The following CACNB2 variants were observed in gnomAD, a reference collection of about 807,000 sequenced individuals.
CACNB2 encodes the protein calcium voltage-gated channel auxiliary subunit beta 2.
A neutral mutation model predicts 73.3 loss-of-function variants in CACNB2; 42 were observed. The observed-to-expected ratio is 0.57, with a 90% CI of 0.45 to 0.74. The LOEUF (loss-of-function observed/expected upper bound fraction) is 0.74, where lower values mean the gene tolerates loss of function less well. CACNB2 is among the 30% of genes least tolerant of loss of function. CACNB2 has a pLI of 0.00. For synonymous variants in CACNB2, 348 were observed against 310.3 expected (o/e 1.12, Z -1.28); for missense variants, 940 against 853.0 (o/e 1.10, Z -1.27).
At chr10:18,450,451 G>A (rs985683505) in intron 3 of CACNB2, among the ~76,000 whole-genome samples, 3 of 152,076 alleles carry the variant, frequency 2.0e-5, no homozygotes, top group African/African-American at 7.2e-5. Flanking sequence ...GAAACAGTGT[G>A]ATGGGGGAGC....
At chr10:18,235,202 C>T (rs2131470699) in intron 2 of CACNB2, among the ~76,000 whole-genome samples, 1 of 151,562 alleles carries the variant, frequency 6.6e-6, no homozygotes, top group South Asian at 2.1e-4. Context: ...CCTGTAATCC[C>T]AGCACTTTGG....
At chr10:18,172,042 A>C (rs967972175) in intron 2 of CACNB2, among the ~76,000 whole-genome samples, 4 of 152,176 alleles carry the variant, frequency 2.6e-5, no homozygotes, top group Non-Finnish European at 5.9e-5. Context: ...GTGCGGGATT[A>C]CAAAACCAGG....
chr10:18,151,688 C>T (rs939682899), intron 2 of CACNB2, among the ~76,000 whole-genome samples: 6 of 152,286 alleles, frequency 3.9e-5, no homozygotes, highest in South Asian at 2.1e-4. Flanking sequence ...AATGAAGTCT[C>T]ATCAGGAATG....
chr10:18,337,214 C>T (rs543072204), intron 2 of CACNB2, among the ~76,000 whole-genome samples: 6 of 152,270 alleles, frequency 3.9e-5, no homozygotes, highest in East Asian at 3.9e-4. Flanking sequence ...ACTGCCCCCT[C>T]GACTTCCTGG....
intron 2 of CACNB2, among the ~76,000 whole-genome samples, chr10:18,364,669 A>G (rs2132244372): frequency 6.6e-6 from 1 of 151,602 alleles, no homozygotes; most frequent in South Asian, 2.1e-4. Context: ...CTCTTCTTTC[A>G]TCTCCTGCCT....
chr10:18,385,383 C>G (rs1381066634), intron 2 of CACNB2, among the ~76,000 whole-genome samples: 2 of 137,720 alleles, frequency 1.5e-5, no homozygotes, highest in African/African-American at 5.4e-5. Context: ...CCTCGCCCCC[C>G]ACAGGTTTTA....
chr10:18,526,790 T>G (rs17693687), intron 9 of CACNB2, among the ~76,000 whole-genome samples: 19,700 of 152,200 alleles, frequency 0.13, 1,560 homozygotes, highest in Middle Eastern at 0.24. Context: ...ACTAGACCAT[T>G]AGCTATCTGA....
chr10:18,503,678 T>G (rs563238032), intron 5 of CACNB2, among the ~76,000 whole-genome samples: 13 of 152,294 alleles, frequency 8.5e-5, no homozygotes, highest in African/African-American at 2.6e-4. Context: ...TAGTATATCG[T>G]TTGTTGAGGT....
chr10:18,375,425 T>C (rs1286906158), intron 2 of CACNB2, among the ~76,000 whole-genome samples: 3 of 152,206 alleles, frequency 2.0e-5, no homozygotes, highest in Non-Finnish European at 4.4e-5. Flanking sequence ...TAGTATTTAC[T>C]CTTTGGATTG....
chr10:18,496,272 TC>T (rs1589544708), intron 3 of CACNB2, among the ~76,000 whole-genome samples: 1 of 152,032 alleles, frequency 6.6e-6, no homozygotes, highest in East Asian at 1.9e-4. Flanking sequence ...TGTGCCTATA[TC>T]CAGAATTTGG....
At chr10:18,400,927 C>G (rs909754206) in intron 2 of CACNB2, 1 of 1,583,124 alleles carries the variant, frequency 6.3e-7, no homozygotes, top group Non-Finnish European at 8.6e-7. Context: ...AGGGGCTTGC[C>G]CAGAGCATGG....
rs371585197 is a variant in CACNB2, at chr10:18,402,070, T to C, written c.333+27T>C. ...TAAAATCGTTTCCTCCCTGCCAAGA[T>C]CTTTGCAAGTTGTGCTGTGCCCCTG... On this transcript the variant is annotated intron_variant, in intron 3 of 13. Coordinates refer to ENST00000324631, the MANE Select transcript of CACNB2 (RefSeq NM_201596.3). The C allele has an allele frequency of 4.3e-6, 7 of 1,611,600 alleles. No individual in the cohort carries two copies. The African/African-American group carries it at 6.7e-5, about 15-fold the overall frequency.
intron 2 of CACNB2, among the ~76,000 whole-genome samples, chr10:18,197,140 C>G (rs2034662416): frequency 6.6e-6 from 1 of 152,184 alleles, no homozygotes; most frequent in South Asian, 2.1e-4. Flanking sequence ...TGATAGTTAT[C>G]AGATACAGAG....
intron 3 of CACNB2, among the ~76,000 whole-genome samples, chr10:18,425,052 T>A (rs2045525523): frequency 6.6e-6 from 1 of 152,236 alleles, no homozygotes; most frequent in Non-Finnish European, 1.5e-5. Flanking sequence ...TCATTTACAC[T>A]CATACTATCA....
chr10:18,234,407 C>T (rs554191659), intron 2 of CACNB2: 98 of 152,226 alleles, frequency 6.4e-4, no homozygotes, highest in African/African-American at 2.3e-3. Flanking sequence ...CCCAAGAGAA[C>T]TGAAAGCAGG....
intron 3 of CACNB2, among the ~76,000 whole-genome samples, chr10:18,416,879 C>T (rs1266243952): frequency 6.6e-6 from 1 of 151,416 alleles, no homozygotes; most frequent in Non-Finnish European, 1.5e-5. Context: ...ATGGTGGATA[C>T]TGAAGGATCT....
At position 18,491,464 on chromosome 10, in the gene CACNB2, T is replaced by C. The variant is rs534238682; in HGVS notation, c.334-6891T>C. ...TTAGCTGGGCATTGTGGCATGAGGC[T>C]GTAGTCCTAGCTACTCATGAGGCTG... On this transcript the variant is annotated intron_variant, in intron 3 of 13. Transcript: ENST00000324631. Among the ~76,000 whole-genome samples the C allele has an allele frequency of 3.7e-4, 57 of 152,306 alleles. 1 individual carries two copies. Among genetic ancestry groups the C allele is most frequent in the Admixed American group, 3.5e-3 (53 of 15,294 alleles).
intron 3 of CACNB2, among the ~76,000 whole-genome samples, chr10:18,426,890 G>A (rs951283141): frequency 6.8e-6 from 1 of 146,696 alleles, no homozygotes; most frequent in African/African-American, 2.5e-5. Flanking sequence ...TCTATTTCTA[G>A]TTTGCTGTTT....
chr10:18,233,711 C>T (rs1302452357), intron 2 of CACNB2, among the ~76,000 whole-genome samples: 2 of 152,130 alleles, frequency 1.3e-5, no homozygotes, highest in African/African-American at 4.8e-5. Flanking sequence ...TCTGTCTGAA[C>T]TTTTATCAGC....
Sources: allele counts gnomAD v4.1 joint callset (sites outside exome capture counted in the v4.1 genomes callset), GRCh38; gene constraint gnomAD v4.1.1; transcripts MANE v1.5; gene names NCBI Gene and HGNC (gene_info 2026-07-23, HGNC 2026-07-21).